Variants in AUTS2 observed in about 807,000 individuals in gnomAD.
AUTS2 encodes autism susceptibility gene 2 protein.
AUTS2 carries 17 observed loss-of-function variants against 112.4 expected under a neutral mutation model. The ratio of observed to expected loss-of-function variants is 0.15; its 90% CI spans 0.10 to 0.23. The LOEUF (loss-of-function observed/expected upper bound fraction) is 0.23. AUTS2 is among the 10% of genes least tolerant of loss of function. The probability of loss-of-function intolerance (pLI) is 1.00; values close to 1 mark genes in which losing one functional copy is unlikely to be tolerated. For synonymous variants in AUTS2, 751 were observed against 702.7 expected, an observed-to-expected ratio of 1.07 and a Z score of -1.09; for missense variants, 1,510 against 1,701.6, an observed-to-expected ratio of 0.89 and a Z score of 1.98.
At chr7:70,553,822 A>C (rs1327261395) in intron 5 of AUTS2, among the ~76,000 whole-genome samples, 2 of 124,064 alleles carry the variant, frequency 1.6e-5, no homozygotes, top group Non-Finnish European at 3.1e-5. Flanking sequence ...GCTGGAGTGC[A>C]GTGGTGCGAT....
intron 5 of AUTS2, among the ~76,000 whole-genome samples, chr7:70,552,839 AC>A: frequency 6.6e-6 from 1 of 152,104 alleles, no homozygotes; most frequent in African/African-American, 2.4e-5. Context: ...TGTCAAAGCA[AC>A]CCCCATGGTA....
chr7:70,764,001 A>G (rs1254056990), intron 7 of AUTS2, among the ~76,000 whole-genome samples: 1 of 152,212 alleles, frequency 6.6e-6, no homozygotes, highest in Non-Finnish European at 1.5e-5. Flanking sequence ...AGCAAAGAAA[A>G]GAGAGGCAGA....
intron 6 of AUTS2, among the ~76,000 whole-genome samples, chr7:70,732,042 C>T (rs1787436830): frequency 6.6e-6 from 1 of 152,080 alleles, no homozygotes; most frequent in South Asian, 2.1e-4. Flanking sequence ...TACTTTTCCC[C>T]TCCAGTATAG....
At chr7:69,680,118 CT>C in intron 1 of AUTS2, among the ~76,000 whole-genome samples, 1 of 152,160 alleles carries the variant, frequency 6.6e-6, no homozygotes, top group South Asian at 2.1e-4. Flanking sequence ...GTATGTTATT[CT>C]TATCATGAAG....
chr7:70,697,560 T>TCCCCCCC (rs10636908), intron 5 of AUTS2, among the ~76,000 whole-genome samples: 2 of 127,720 alleles, frequency 1.6e-5, no homozygotes, highest in Non-Finnish European at 3.2e-5. Flanking sequence ...ACTTCAGAAT[T>TCCCCCCC]CCCCCCCCCC....
intron 4 of AUTS2, among the ~76,000 whole-genome samples, chr7:70,371,080 T>TC (rs950679341): frequency 2.2e-4 from 34 of 152,152 alleles, no homozygotes; most frequent in African/African-American, 7.7e-4. Flanking sequence ...GTATGCCCAG[T>TC]CCGTGGTGTT....
intron 5 of AUTS2, among the ~76,000 whole-genome samples, chr7:70,679,280 C>T (rs965921621): frequency 2.6e-5 from 4 of 152,210 alleles, no homozygotes; most frequent in East Asian, 3.9e-4. Context: ...AATAAATACA[C>T]GGGAAAGGAA....
intron 5 of AUTS2, among the ~76,000 whole-genome samples, chr7:70,463,450 AG>A (rs1474976421): frequency 6.6e-6 from 1 of 152,218 alleles, no homozygotes; most frequent in Non-Finnish European, 1.5e-5. Flanking sequence ...GCGTGCAAGA[AG>A]TGGACTTTGT....
chr7:69,672,700 T>C (rs1463392244), intron 1 of AUTS2, among the ~76,000 whole-genome samples: 1 of 152,210 alleles, frequency 6.6e-6, no homozygotes, highest in Non-Finnish European at 1.5e-5. Flanking sequence ...AGGTTTCCAG[T>C]GATATTGTGG....
At chr7:70,073,845 A>G (rs905876511) in intron 2 of AUTS2, among the ~76,000 whole-genome samples, 1 of 152,216 alleles carries the variant, frequency 6.6e-6, no homozygotes, top group Non-Finnish European at 1.5e-5. Context: ...CTGGGGAAAT[A>G]TGTGCTACTA....
chr7:69,778,065 C>T (rs1213533513), intron 1 of AUTS2, among the ~76,000 whole-genome samples: 1 of 151,910 alleles, frequency 6.6e-6, no homozygotes, highest in East Asian at 1.9e-4. Context: ...ACTTTGAGAA[C>T]CTTATTGTGT....
intron 4 of AUTS2, among the ~76,000 whole-genome samples, chr7:70,242,799 G>A (rs960543240): frequency 1.1e-4 from 17 of 151,820 alleles, no homozygotes; most frequent in Non-Finnish European, 1.8e-4. Context: ...CCTATGTTGG[G>A]TCTGATTTGC....
intron 4 of AUTS2, among the ~76,000 whole-genome samples, chr7:70,407,071 C>T (rs1585109247): frequency 6.6e-6 from 1 of 152,102 alleles, no homozygotes; most frequent in Non-Finnish European, 1.5e-5. Context: ...ATCCAGGCAC[C>T]GATTAAGCTC....
intron 5 of AUTS2, among the ~76,000 whole-genome samples, chr7:70,438,312 A>T (rs562999224): frequency 6.6e-6 from 1 of 152,154 alleles, no homozygotes; most frequent in Non-Finnish European, 1.5e-5. Flanking sequence ...AAGCGGATAC[A>T]TAGTTGTTTA....
intron 2 of AUTS2, among the ~76,000 whole-genome samples, chr7:70,063,545 C>T (rs981328907): frequency 6.6e-6 from 1 of 152,134 alleles, no homozygotes; most frequent in Non-Finnish European, 1.5e-5. Flanking sequence ...CATAGCACCT[C>T]ATAGATAGCA....
intron 2 of AUTS2, among the ~76,000 whole-genome samples, chr7:70,065,763 T>C (rs1473975827): frequency 1.3e-5 from 2 of 152,148 alleles, no homozygotes; most frequent in Non-Finnish European, 2.9e-5. Flanking sequence ...TAGAATGCAG[T>C]GGCACAATTA....
intron 1 of AUTS2, among the ~76,000 whole-genome samples, chr7:69,868,092 G>T (rs1398263772): frequency 6.6e-6 from 1 of 152,088 alleles, no homozygotes; most frequent in Admixed American, 6.6e-5. Context: ...TAAGTTTATT[G>T]TGTGTTAAAT....
At chr7:70,563,629 G>A (rs1367843451) in intron 5 of AUTS2, among the ~76,000 whole-genome samples, 1 of 152,174 alleles carries the variant, frequency 6.6e-6, no homozygotes, top group Non-Finnish European at 1.5e-5. Flanking sequence ...AGATGGCGGA[G>A]AGGGATTGGG....
At chr7:70,410,092 G>A (rs1479802495) in intron 4 of AUTS2, among the ~76,000 whole-genome samples, 1 of 152,186 alleles carries the variant, frequency 6.6e-6, no homozygotes, top group Non-Finnish European at 1.5e-5. Context: ...TTGCAAGTAT[G>A]TTTTAGGGAA....
Sources: allele counts gnomAD v4.1 joint callset (sites outside exome capture counted in the v4.1 genomes callset), GRCh38; gene constraint gnomAD v4.1.1; transcripts MANE v1.5; gene names NCBI Gene and HGNC (gene_info 2026-07-23, HGNC 2026-07-21).